The following SLC5A11 variants were observed in gnomAD, a reference collection of about 807,000 sequenced individuals.
SLC5A11 encodes the protein sodium/myo-inositol cotransporter 2.
Under a neutral mutation model 69.8 loss-of-function variants are expected in SLC5A11, and 48 were observed. The observed-to-expected ratio is 0.69, with a 90% CI of 0.55 to 0.87. SLC5A11 has a LOEUF of 0.87. Among genes scored for constraint, SLC5A11 ranks in the 40% least tolerant of loss-of-function variants. The probability of loss-of-function intolerance (pLI) is 0.00; values close to 1 mark genes in which losing one functional copy is unlikely to be tolerated. For missense variants in SLC5A11, 784 were observed against 866.1 expected (o/e 0.91, Z 1.19); for synonymous variants, 319 against 342.4 (o/e 0.93, Z 0.75).
chr16:24,896,497 A>G (rs2049174805), intron 9 of SLC5A11, among the ~76,000 whole-genome samples: 1 of 145,892 alleles, frequency 6.9e-6, no homozygotes, highest in Non-Finnish European at 1.5e-5. Flanking sequence ...CCCATCTCTT[A>G]AAAAAAAAAG....
At chr16:24,875,594 C>A in intron 5 of SLC5A11, 33 bp from the exon 7 acceptor site, 1 of 1,585,952 alleles carries the variant, frequency 6.3e-7, no homozygotes, top group Admixed American at 1.7e-5. Flanking sequence ...TGGTGAAGTC[C>A]GCTGGTGGTG....
chr16:24,862,642 C>G, exon 3 of SLC5A11: 1 of 1,613,552 alleles, frequency 6.2e-7, no homozygotes, highest in Non-Finnish European at 8.5e-7. Context: ...AAGGCTACTT[C>G]CTGGCTGGAG....
At chr16:24,877,019 G>C (rs2047719208) in intron 6 of SLC5A11, 2 of 1,296,736 alleles carry the variant, frequency 1.5e-6, no homozygotes, top group Admixed American at 3.3e-5. Flanking sequence ...GAGTGGGAGA[G>C]GACCAAAAGC....
At chr16:24,850,816 T>C (rs2059269078) in intron 1 of SLC5A11, among the ~76,000 whole-genome samples, 1 of 152,020 alleles carries the variant, frequency 6.6e-6, no homozygotes, top group African/African-American at 2.4e-5. Flanking sequence ...TTATTCGTTT[T>C]TTTTTTTTCT....
At chr16:24,911,178 A>AC (rs2050495032) in intron 15 of SLC5A11, 150 bp from the exon 17 acceptor site, 1 of 726,112 alleles carries the variant, frequency 1.4e-6, no homozygotes, top group African/African-American at 1.8e-5. Flanking sequence ...AAAAAAAAAA[A>AC]AAAAAAAAGG....
At chr16:24,905,545 C>G (rs1157450712) in intron 10 of SLC5A11, among the ~76,000 whole-genome samples, 3 of 151,680 alleles carry the variant, frequency 2.0e-5, no homozygotes, top group Non-Finnish European at 4.4e-5. Flanking sequence ...AGGCTGGAGC[C>G]TGTGAGGCTA....
chr16:24,906,721 G>T, exon 11 of SLC5A11: 1 of 1,613,644 alleles, frequency 6.2e-7, no homozygotes, highest in Non-Finnish European at 8.5e-7. Flanking sequence ...CAGGCTGTTC[G>T]GACATCGCGT....
chr16:24,852,844 GC>G (rs1336329491), intron 1 of SLC5A11, among the ~76,000 whole-genome samples: 2 of 56,228 alleles, frequency 3.6e-5, no homozygotes, highest in African/African-American at 3.1e-4. Context: ...CATAGCTGAT[GC>G]CTAATAAATG....
intron 4 of SLC5A11, among the ~76,000 whole-genome samples, chr16:24,870,424 A>C (rs1334383133): frequency 2.9e-5 from 4 of 139,910 alleles, no homozygotes; most frequent in African/African-American, 1.1e-4. Context: ...ACAAAACAAA[A>C]CAAAAAAAAC....
intron 10 of SLC5A11, among the ~76,000 whole-genome samples, chr16:24,905,476 TAAAG>T (rs1307304372): frequency 2.0e-5 from 3 of 150,640 alleles, no homozygotes; most frequent in Admixed American, 6.6e-5. Context: ...AAAAATTAAT[TAAAG>T]AAAAAGAAAT....
chr16:24,896,844 G>C (rs2049201017), intron 9 of SLC5A11, among the ~76,000 whole-genome samples: 1 of 151,506 alleles, frequency 6.6e-6, no homozygotes, highest in South Asian at 2.1e-4. Flanking sequence ...TTTCAAAGAG[G>C]CCTTCCCATA....
At chr16:24,851,983 C>CTG (rs1031569242) in intron 1 of SLC5A11, among the ~76,000 whole-genome samples, 2 of 150,634 alleles carry the variant, frequency 1.3e-5, no homozygotes, top group Admixed American at 1.3e-4. Context: ...CTCTCTCTCT[C>CTG]TCTCTCTCTC....
chr16:24,858,267 G>A (rs1053567816), intron 1 of SLC5A11, among the ~76,000 whole-genome samples: 3 of 152,208 alleles, frequency 2.0e-5, no homozygotes, highest in East Asian at 1.9e-4. Flanking sequence ...GAGGTACCAC[G>A]GAAGTGGAGA....
chr16:24,860,754 G>A (rs1288525968), intron 2 of SLC5A11, among the ~76,000 whole-genome samples: 1 of 151,672 alleles, frequency 6.6e-6, no homozygotes, highest in African/African-American at 2.4e-5. Flanking sequence ...CGCTCAGCCT[G>A]GAGTGCACTG....
chr16:24,871,852 T>C (rs2547039), intron 4 of SLC5A11, among the ~76,000 whole-genome samples: 27,945 of 152,082 alleles, frequency 0.18, 2,704 homozygotes, highest in Non-Finnish European at 0.21. Flanking sequence ...GCTGTCATGG[T>C]CTTGTTTTAA....
chr16:24,905,479 AG>A (rs1255644237), intron 10 of SLC5A11, among the ~76,000 whole-genome samples: 2 of 151,746 alleles, frequency 1.3e-5, no homozygotes, highest in African/African-American at 4.8e-5. Flanking sequence ...AATTAATTAA[AG>A]AAAAAGAAAT....
At chr16:24,857,184 C>T (rs2059574297) in intron 1 of SLC5A11, among the ~76,000 whole-genome samples, 1 of 152,234 alleles carries the variant, frequency 6.6e-6, no homozygotes, top group Non-Finnish European at 1.5e-5. Flanking sequence ...CTCTGTGAAA[C>T]ATCACGTTGT....
intron 3 of SLC5A11, among the ~76,000 whole-genome samples, chr16:24,864,605 A>G (rs1442539688): frequency 6.6e-6 from 1 of 152,238 alleles, no homozygotes; most frequent in Admixed American, 6.5e-5. Flanking sequence ...AAAACCCAAG[A>G]AAGTATGGTC....
chr16:24,881,886 T>C (rs1326434319), intron 7 of SLC5A11, among the ~76,000 whole-genome samples: 1 of 152,086 alleles, frequency 6.6e-6, no homozygotes, highest in Non-Finnish European at 1.5e-5. Flanking sequence ...GGACCAGAGC[T>C]TTGAAGGAAA....
Sources: gnomAD v4.1 joint callset for allele counts (sites outside exome capture counted in the v4.1 genomes callset) on GRCh38, gnomAD v4.1.1 for gene constraint, MANE v1.5 for transcripts, NCBI Gene and HGNC (gene_info 2026-07-23, HGNC 2026-07-21) for gene names.